The following ARID1B variants were observed in gnomAD, a reference collection of about 807,000 sequenced individuals.
ARID1B encodes AT-rich interaction domain 1B, also known as AT-rich interactive domain-containing protein 1B.
Under a neutral mutation model 212.3 loss-of-function variants are expected in ARID1B, and 30 were observed. That is an observed-to-expected ratio of 0.14 (90% CI 0.11 to 0.19). The LOEUF (loss-of-function observed/expected upper bound fraction) is 0.19, where lower values mean the gene tolerates loss of function less well. Among genes scored for constraint, ARID1B ranks in the 10% least tolerant of loss-of-function variants. ARID1B has a pLI of 1.00. For missense variants in ARID1B, 2,891 were observed against 3,204.0 expected, an observed-to-expected ratio of 0.90 and a Z score of 2.36; for synonymous variants, 1,402 against 1,301.7, an observed-to-expected ratio of 1.08 and a Z score of -1.66.
intron 4 of ARID1B, among the ~76,000 whole-genome samples, chr6:156,958,847 A>G (rs943730340): frequency 6.6e-6 from 1 of 152,212 alleles, no homozygotes; most frequent in Non-Finnish European, 1.5e-5. Context: ...CAGGAATCAT[A>G]CGGAGTTAGT....
intron 10 of ARID1B, chr6:157,174,429 T>C (rs1357023452): frequency 1.2e-5 from 3 of 246,188 alleles, no homozygotes; most frequent in East Asian, 1.6e-4. Context: ...CTTGCAGCCA[T>C]TTTCTCTGCC....
chr6:157,139,827 A>G (rs1789209830), intron 7 of ARID1B, among the ~76,000 whole-genome samples: 1 of 151,254 alleles, frequency 6.6e-6, no homozygotes, highest in South Asian at 2.1e-4. Flanking sequence ...GGTTCAAGCA[A>G]TTTTCCTGCA....
chr6:156,847,715 A>G (rs1784322246), intron 2 of ARID1B, among the ~76,000 whole-genome samples: 1 of 152,210 alleles, frequency 6.6e-6, no homozygotes, highest in African/African-American at 2.4e-5. Flanking sequence ...GCAGGTAAAC[A>G]TGATTTTTCT....
chr6:156,891,511 A>G (rs990879884), intron 2 of ARID1B, among the ~76,000 whole-genome samples: 2 of 152,206 alleles, frequency 1.3e-5, no homozygotes, highest in African/African-American at 2.4e-5. Context: ...TGATTTTGGT[A>G]TATATTCTTT....
chr6:156,935,519 A>G lies in ARID1B; in HGVS notation c.2190A>G (p.Gly730=). The change falls in exon 4 of 20, where the codon GGA becomes GGG. Residue 730 remains glycine, a synonymous_variant. Coordinates refer to ENST00000636930, the MANE Select transcript of ARID1B (RefSeq NM_001374828.1). ...GATCTCAACCTCCTCTGGCCCCCGGAAAACCTAACCATGAAGACTTGAACT... is the reference window on the plus strand; with the variant it reads ...GATCTCAACCTCCTCTGGCCCCCGGGAAACCTAACCATGAAGACTTGAACT... The part of the protein sequence containing the change: ...GTRSQPPLAP[G]KPNHEDLNLI... 6.2e-7 allele frequency: 1 copy of G among 1,614,118 alleles called. No individual in the cohort carries two copies. Among genetic ancestry groups the G allele is most frequent in the Non-Finnish European group, 8.5e-7 (1 of 1,179,952 alleles).
chr6:157,004,164 C>T (rs1779069737), intron 4 of ARID1B, among the ~76,000 whole-genome samples: 1 of 152,086 alleles, frequency 6.6e-6, no homozygotes, highest in African/African-American at 2.4e-5. Flanking sequence ...TCTCCCGAAA[C>T]CCTAGGATTA....
intron 4 of ARID1B, among the ~76,000 whole-genome samples, chr6:156,957,887 C>A (rs1373590864): frequency 1.3e-5 from 2 of 152,116 alleles, no homozygotes; most frequent in African/African-American, 4.8e-5. Flanking sequence ...CCTTCCAAGC[C>A]CCCCAAACAA....
chr6:156,887,973 A>G (rs1787648768), intron 2 of ARID1B, among the ~76,000 whole-genome samples: 1 of 152,128 alleles, frequency 6.6e-6, no homozygotes, highest in African/African-American at 2.4e-5. Flanking sequence ...TTAAAATTCT[A>G]GTCCTCTTCT....
At chr6:156,841,801 TGAG>T (rs1783920425) in intron 2 of ARID1B, among the ~76,000 whole-genome samples, 1 of 152,166 alleles carries the variant, frequency 6.6e-6, no homozygotes, top group African/African-American at 2.4e-5. Flanking sequence ...ATTTTACAAA[TGAG>T]GAGGCTAAGG....
intron 4 of ARID1B, among the ~76,000 whole-genome samples, chr6:157,018,917 A>T (rs904090462): frequency 3.3e-5 from 5 of 152,208 alleles, no homozygotes; most frequent in Non-Finnish European, 5.9e-5. Context: ...ACTTGGAAGC[A>T]TGACCTCAAA....
intron 4 of ARID1B, among the ~76,000 whole-genome samples, chr6:157,076,919 C>T (rs190884401): frequency 3.8e-4 from 58 of 152,296 alleles, no homozygotes; most frequent in African/African-American, 1.0e-3. Context: ...TGAGAGTCAT[C>T]ACCAGCAGTT....
At position 156,858,107 on chromosome 6, in the gene ARID1B, G is replaced by C. The variant is rs149846445; in HGVS notation, c.1986+28686G>C. Among the ~76,000 whole-genome samples the C allele has an allele frequency of 3.3e-4, 50 of 152,172 alleles. No homozygotes were observed. In the South Asian group the frequency reaches 9.4e-3, roughly 28 times the overall value. ...ATGAAACTGGAGGACATTATGTTAC[G>C]TGTAATAAGTCAGGCACAGAGAGAC... On this transcript the variant is annotated intron_variant, in intron 2 of 19. Transcript: ENST00000636930.
intron 3 of ARID1B, among the ~76,000 whole-genome samples, chr6:156,914,394 G>C (rs1469849404): frequency 6.6e-6 from 1 of 152,188 alleles, no homozygotes; most frequent in Non-Finnish European, 1.5e-5. Flanking sequence ...GCAGCTGACG[G>C]TATCTTCCTC....
At chr6:156,846,440 C>T (rs868145111) in intron 2 of ARID1B, among the ~76,000 whole-genome samples, 114 of 151,876 alleles carry the variant, frequency 7.5e-4, no homozygotes, top group African/African-American at 2.7e-3. Context: ...GCTGGGATTA[C>T]AGGCTGAGCC....
chr6:156,817,196 CA>C (rs995932332), intron 1 of ARID1B, among the ~76,000 whole-genome samples: 1 of 150,878 alleles, frequency 6.6e-6, no homozygotes, highest in Admixed American at 6.6e-5. Context: ...CCAGCCTGGG[CA>C]AAACCCTGTC....
intron 1 of ARID1B, among the ~76,000 whole-genome samples, chr6:156,827,711 C>T (rs1399571545): frequency 1.3e-5 from 2 of 150,918 alleles, no homozygotes; most frequent in South Asian, 4.2e-4. Context: ...ACATGCTGTT[C>T]CCTCCCACCT....
intron 2 of ARID1B, among the ~76,000 whole-genome samples, chr6:156,881,488 T>A (rs1787093897): frequency 6.6e-6 from 1 of 152,230 alleles, no homozygotes; most frequent in African/African-American, 2.4e-5. Context: ...GTGTCACATG[T>A]AATACCTTTA....
At chr6:156,970,704 C>T (rs1776869025) in intron 4 of ARID1B, among the ~76,000 whole-genome samples, 1 of 152,322 alleles carries the variant, frequency 6.6e-6, no homozygotes. Flanking sequence ...CCCAGCCTTC[C>T]TTCTGCATTG....
intron 4 of ARID1B, among the ~76,000 whole-genome samples, chr6:157,043,937 T>G (rs964238312): frequency 3.3e-5 from 5 of 152,350 alleles, no homozygotes; most frequent in African/African-American, 1.2e-4. Context: ...TTTCCACTGC[T>G]TTCCATTCAA....
Sources: allele counts gnomAD v4.1 joint callset (sites outside exome capture counted in the v4.1 genomes callset), GRCh38; gene constraint gnomAD v4.1.1; transcripts MANE v1.5; gene names NCBI Gene and HGNC (gene_info 2026-07-23, HGNC 2026-07-21).